Variants in CSMD3 observed in about 807,000 individuals in gnomAD.
The protein encoded by CSMD3 is CUB and Sushi multiple domains 3.
CSMD3 carries 177 observed loss-of-function variants against 435.2 expected under a neutral mutation model. That is an observed-to-expected ratio of 0.41 (90% CI 0.36 to 0.46). The LOEUF (loss-of-function observed/expected upper bound fraction) is 0.46, where lower values mean the gene tolerates loss of function less well. CSMD3 is among the 20% of genes least tolerant of loss of function. The probability of loss-of-function intolerance (pLI) is 0.34; values close to 1 mark genes in which losing one functional copy is unlikely to be tolerated. For missense variants in CSMD3, 4,265 were observed against 4,504.6 expected (o/e 0.95, Z 1.52); for synonymous variants, 1,656 against 1,520.5 (o/e 1.09, Z -2.07).
At chr8:112,639,926 G>C (rs891205853) in intron 20 of CSMD3, among the ~76,000 whole-genome samples, 3 of 152,048 alleles carry the variant, frequency 2.0e-5, no homozygotes, top group Non-Finnish European at 4.4e-5. Flanking sequence ...GCTTTTTTCT[G>C]TTGGGTATGT....
At chr8:113,331,988 A>T (rs913694437) in intron 1 of CSMD3, among the ~76,000 whole-genome samples, 3 of 151,806 alleles carry the variant, frequency 2.0e-5, no homozygotes, top group African/African-American at 2.4e-5. Context: ...AAGAAATACA[A>T]ATATTTGCTG....
At chr8:112,429,285 C>G (rs1162251581) in intron 32 of CSMD3, among the ~76,000 whole-genome samples, 1 of 152,004 alleles carries the variant, frequency 6.6e-6, no homozygotes, top group African/African-American at 2.4e-5. Context: ...TATGACAGAT[C>G]ATACAATATT....
chr8:112,496,729 G>C (rs545701892), intron 30 of CSMD3, among the ~76,000 whole-genome samples: 1 of 152,076 alleles, frequency 6.6e-6, no homozygotes, highest in Non-Finnish European at 1.5e-5. Flanking sequence ...CTTATTTGTG[G>C]GAGCTAAAAA....
intron 43 of CSMD3, among the ~76,000 whole-genome samples, 162 bp from the exon 44 acceptor site, chr8:112,336,991 A>G (rs1436354203): frequency 2.6e-5 from 4 of 152,208 alleles, no homozygotes; most frequent in Non-Finnish European, 4.4e-5. Flanking sequence ...AACAGTGCAC[A>G]AAATAGAGTC....
intron 3 of CSMD3, among the ~76,000 whole-genome samples, chr8:113,256,774 T>C (rs1805451750): frequency 6.6e-6 from 1 of 152,168 alleles, no homozygotes. Flanking sequence ...TGGAATAACA[T>C]GATGACCAAA....
intron 56 of CSMD3, among the ~76,000 whole-genome samples, chr8:112,291,260 T>A (rs1039294213): frequency 1.3e-5 from 2 of 151,948 alleles, no homozygotes; most frequent in Admixed American, 6.6e-5. Flanking sequence ...TGACTACTTT[T>A]CATATTTTAT....
rs192419377 is a variant in CSMD3, at chr8:112,992,026, G to A, written c.1031-15878C>T. On this transcript the variant is annotated intron_variant, in intron 6 of 70. Coordinates refer to ENST00000297405, the MANE Select transcript of CSMD3 (RefSeq NM_198123.2). ...GAGTAAATTTTGATTAAGCATTTTT[G>A]CAATAATCAAAATAGTAGATCCTCA... 5.0e-3 allele frequency among the ~76,000 whole-genome samples: 754 copies of A among 151,766 alleles called. 1 individual carries two copies. The highest frequency in any genetic ancestry group is 0.016 in the African/African-American group (671 of 41,448).
intron 25 of CSMD3, among the ~76,000 whole-genome samples, chr8:112,555,615 T>G (rs927544628): frequency 6.6e-6 from 1 of 152,024 alleles, no homozygotes. Flanking sequence ...TTTAGTTAGA[T>G]AAAACCATGT....
intron 4 of CSMD3, among the ~76,000 whole-genome samples, chr8:113,157,184 G>A (rs1220758637): frequency 1.3e-5 from 2 of 152,052 alleles, no homozygotes; most frequent in Non-Finnish European, 2.9e-5. Flanking sequence ...TAGAGTATTG[G>A]GGTTTGCTAT....
intron 22 of CSMD3, among the ~76,000 whole-genome samples, chr8:112,589,887 C>T (rs938489416): frequency 1.3e-5 from 2 of 151,962 alleles, no homozygotes; most frequent in African/African-American, 4.8e-5. Flanking sequence ...GAGAGTATAC[C>T]GCTATCACTG....
At chr8:113,019,235 T>C (rs143839692) in intron 5 of CSMD3, 56 bp from the exon 6 acceptor site, 4 of 1,159,030 alleles carry the variant, frequency 3.5e-6, no homozygotes, top group African/African-American at 3.0e-5. Flanking sequence ...GCAGTAAACG[T>C]TTTCACAAAA....
At chr8:112,479,137 G>A (rs889117528) in intron 31 of CSMD3, among the ~76,000 whole-genome samples, 2 of 152,312 alleles carry the variant, frequency 1.3e-5, no homozygotes, top group Admixed American at 6.5e-5. Context: ...AGGCAAGCTG[G>A]GACACATCAG....
chr8:113,305,197 T>C (rs1322802202), intron 2 of CSMD3, among the ~76,000 whole-genome samples: 1 of 151,250 alleles, frequency 6.6e-6, no homozygotes, highest in African/African-American at 2.4e-5. Context: ...ATATACCTAA[T>C]GATAGATGAT....
At chr8:112,879,772 G>C (rs986817656) in intron 10 of CSMD3, among the ~76,000 whole-genome samples, 4 of 151,964 alleles carry the variant, frequency 2.6e-5, no homozygotes, top group African/African-American at 7.2e-5. Flanking sequence ...TGAGAGCTGG[G>C]ACATCAATGA....
intron 26 of CSMD3, 44 bp from the exon 27 acceptor site, chr8:112,550,917 C>A: frequency 7.0e-7 from 1 of 1,423,600 alleles, no homozygotes; most frequent in Non-Finnish European, 9.9e-7. Context: ...AACAAGGATT[C>A]AACTTTAAAG....
At chr8:113,266,119 A>G (rs1407664703) in intron 3 of CSMD3, among the ~76,000 whole-genome samples, 2 of 150,912 alleles carry the variant, frequency 1.3e-5, no homozygotes, top group Non-Finnish European at 3.0e-5. Context: ...GCTCTCTATT[A>G]AATTTCATGA....
intron 4 of CSMD3, among the ~76,000 whole-genome samples, chr8:113,135,186 G>A (rs1240432551): frequency 2.0e-5 from 3 of 151,820 alleles, no homozygotes; most frequent in Non-Finnish European, 4.4e-5. Context: ...CACATATTAG[G>A]CTGTAGATTA....
intron 4 of CSMD3, among the ~76,000 whole-genome samples, chr8:113,140,336 A>G (rs1333997268): frequency 2.0e-5 from 3 of 150,804 alleles, no homozygotes; most frequent in African/African-American, 7.3e-5. Flanking sequence ...TACTTTCTCA[A>G]CAACTGATAG....
intron 41 of CSMD3, among the ~76,000 whole-genome samples, chr8:112,341,923 C>T: frequency 6.6e-6 from 1 of 152,074 alleles, no homozygotes; most frequent in South Asian, 2.1e-4. Flanking sequence ...AAAAACATTT[C>T]ATTTCATTAT....
Sources: gnomAD v4.1 joint callset for allele counts (sites outside exome capture counted in the v4.1 genomes callset) on GRCh38, gnomAD v4.1.1 for gene constraint, MANE v1.5 for transcripts, NCBI Gene and HGNC (gene_info 2026-07-23, HGNC 2026-07-21) for gene names.